Variants in UIMC1 observed in about 807,000 individuals in gnomAD.
UIMC1 encodes BRCA1-A complex subunit RAP80.
A neutral mutation model predicts 84.9 loss-of-function variants in UIMC1; 42 were observed. The observed-to-expected ratio is 0.49, with a 90% CI of 0.39 to 0.64. The LOEUF (loss-of-function observed/expected upper bound fraction) is 0.64, where lower values mean the gene tolerates loss of function less well. Ranked by LOEUF, UIMC1 falls within the 30% of genes least tolerant of loss-of-function variation. UIMC1 has a pLI of 0.00. For missense variants in UIMC1, 825 were observed against 847.6 expected (o/e 0.97, Z 0.33); for synonymous variants, 281 against 293.0 (o/e 0.96, Z 0.42).
At chr5:176,949,119 A>T (rs1017312432) in intron 9 of UIMC1, among the ~76,000 whole-genome samples, 148 of 151,712 alleles carry the variant, frequency 9.8e-4, no homozygotes, top group Non-Finnish European at 4.9e-4. Context: ...TTATTTTTTT[A>T]AATTTTATTA....
At chr5:176,910,919 G>A (rs1417747137) in intron 11 of UIMC1, among the ~76,000 whole-genome samples, 3 of 151,920 alleles carry the variant, frequency 2.0e-5, no homozygotes, top group Non-Finnish European at 4.4e-5. Context: ...GAGAAACCCC[G>A]CCTCTACTAA....
intron 1 of UIMC1, chr5:177,001,359 T>A (rs1774418223): frequency 6.6e-6 from 1 of 152,062 alleles, no homozygotes; most frequent in Non-Finnish European, 1.5e-5. Flanking sequence ...TTTTATGGGG[T>A]TTTGTTTTTT....
At chr5:176,963,538 AAGTGAAAATGAATAGATAAATC>A (rs1217791230) in intron 6 of UIMC1, among the ~76,000 whole-genome samples, 32 of 151,934 alleles carry the variant, frequency 2.1e-4, no homozygotes, top group Non-Finnish European at 4.0e-4. Context: ...AAAAAAAAAA[AAGTGAAAATGAATAGATAAATC>A]ATCTGGTCAT....
chr5:177,002,897 T>C (rs353496), intron 1 of UIMC1, among the ~76,000 whole-genome samples: 64,556 of 151,810 alleles, frequency 0.43, 13,952 homozygotes, highest in East Asian at 0.48. Context: ...TTCAGAAAAG[T>C]AACTTGCCCA....
rs1041654762 is a variant in UIMC1, at chr5:176,937,167, G to A, written c.1597+6168C>T. ...TGCATTTGTTCTAGTCTAGATCAAC[G>A]TAGTCAATCTTCTCCCCTCAAACAT... On this transcript the variant is annotated intron_variant, in intron 10 of 14. Coordinates refer to ENST00000511320, the MANE Select transcript of UIMC1 (RefSeq NM_001199298.2). Among the ~76,000 whole-genome samples the A allele has an allele frequency of 3.9e-4, 59 of 152,166 alleles. 2 individuals are homozygous for A. The highest frequency in any genetic ancestry group is 2.1e-4 in the South Asian group (1 of 4,830).
chr5:176,988,130 CAAAAAAAAAA>C (rs35059681), intron 1 of UIMC1, among the ~76,000 whole-genome samples: 2 of 90,212 alleles, frequency 2.2e-5, no homozygotes, highest in Admixed American at 1.4e-4. Context: ...CGCCCCTGTC[CAAAAAAAAAA>C]AAAAAAAAAA....
chr5:177,013,170 G>A (rs1014942226), intron 1 of UIMC1, among the ~76,000 whole-genome samples: 11 of 151,294 alleles, frequency 7.3e-5, no homozygotes, highest in African/African-American at 2.4e-4. Context: ...TCAGGAGTTC[G>A]AGACCAGCCT....
chr5:176,958,727 A>G (rs944252132), intron 6 of UIMC1, among the ~76,000 whole-genome samples: 2 of 152,260 alleles, frequency 1.3e-5, no homozygotes, highest in African/African-American at 4.8e-5. Flanking sequence ...TATGGTTTTT[A>G]TATCTGGCTA....
At chr5:176,916,846 C>T (rs1038529927) in intron 10 of UIMC1, among the ~76,000 whole-genome samples, 2 of 152,072 alleles carry the variant, frequency 1.3e-5, no homozygotes, top group African/African-American at 4.8e-5. Context: ...AAATAAATAG[C>T]CTAGGCATTA....
intron 1 of UIMC1, among the ~76,000 whole-genome samples, chr5:176,996,993 T>C (rs1353105404): frequency 6.6e-6 from 1 of 152,114 alleles, no homozygotes; most frequent in Non-Finnish European, 1.5e-5. Flanking sequence ...CCAAGCTTCC[T>C]ACATAACCCT....
rs148143244 is a variant in UIMC1, at chr5:176,911,191, A to C, written c.1676+120T>G. ...AAAAGAAAAGAAAATTCAGGCATCC[A>C]AGCAATGAAGCAATTGGCAGGCCAA... On this transcript the variant is annotated intron_variant, in intron 11 of 14. Coordinates refer to ENST00000511320, the MANE Select transcript of UIMC1 (RefSeq NM_001199298.2). The C allele has an allele frequency of 9.8e-3, 6,358 of 647,760 alleles. 99 individuals are homozygous for C. The highest frequency in any genetic ancestry group is 0.024 in the Middle Eastern group (85 of 3,584). The allele number at this position is 647,760 out of a possible 1,614,324, so 40.1% of individuals were successfully genotyped here. A position where few individuals can be genotyped will look rare whatever the true frequency, so the allele number is the denominator to read the frequency against.
Position 176,943,490 on chromosome 5 carries a change from T to C in UIMC1, c.1444-2A>G. The C allele has an allele frequency of 6.2e-7, 1 of 1,613,700 alleles. No homozygotes were observed. The highest frequency in any genetic ancestry group is 8.5e-7 in the Non-Finnish European group (1 of 1,179,780). On this transcript the variant is annotated splice_acceptor_variant, in intron 9 of 14. Coordinates refer to ENST00000511320, the MANE Select transcript of UIMC1 (RefSeq NM_001199298.2). LOFTEE classifies it high-confidence loss of function. Reference sequence around the variant, plus strand: ...CTCAGCATCTTCCTTGTTACCAACCTGAAGAACATGACAAACAGCAATCAT... The same window carrying C: ...CTCAGCATCTTCCTTGTTACCAACCCGAAGAACATGACAAACAGCAATCAT...
At chr5:176,969,401 T>C in intron 5 of UIMC1, 110 bp from the exon 6 acceptor site, 2 of 1,463,010 alleles carry the variant, frequency 1.4e-6, no homozygotes, top group South Asian at 1.4e-5. Flanking sequence ...AAGGCTCTTC[T>C]TTGGGTTTAA....
chr5:176,976,067 AG>A (rs1443887518), intron 2 of UIMC1, among the ~76,000 whole-genome samples: 1 of 152,106 alleles, frequency 6.6e-6, no homozygotes, highest in Admixed American at 6.6e-5. Context: ...GGGAGGCTGA[AG>A]TGGGAGAATC....
rs142078042 is a variant in UIMC1 at position 177,018,734 on chromosome 5, G to A, written c.-9+3730C>T. ...AAATAGAAAACTGGTGACAATGAAG[G>A]CTGTTCAGACCCTCAGCAGGGTAGC... is the stretch of plus-strand genomic sequence containing the variant. On this transcript the variant is annotated intron_variant, in intron 1 of 5. Coordinates refer to the UIMC1 transcript ENST00000509236. Among the ~76,000 whole-genome samples the A allele has an allele frequency of 9.1e-3, 1,385 of 152,272 alleles. 9 individuals are homozygous for A. Among genetic ancestry groups the A allele is most frequent in the South Asian group, 0.025 (121 of 4,830 alleles).
chr5:176,982,471 C>G lies in UIMC1; in HGVS notation c.145G>C (p.Glu49Gln), dbSNP rs1349904311. The change falls in exon 2 of 15, where the codon GAG (glutamate) becomes CAG (glutamine). Residue 49 changes from glutamate to glutamine, a missense_variant and splice_region_variant. By Grantham distance (29) the Glu-to-Gln change is conservative. Coordinates refer to ENST00000511320, the MANE Select transcript of UIMC1 (RefSeq NM_001199298.2). ...AFIVISDSDG[E>Q]EPKEENGLQK... ...CTTTTCAGCTCTACTTCACTAACCT[C>G]TCCATCACTATCGGATATCACAATG... is the stretch of plus-strand genomic sequence containing the variant. 6.2e-7 allele frequency: 1 copy of G among 1,613,014 alleles called. No homozygotes were observed. The highest frequency in any genetic ancestry group is 8.5e-7 in the Non-Finnish European group (1 of 1,179,774).
In UIMC1 at chr5:176,931,212, T is replaced by C. The variant is rs547440563; in HGVS notation, c.1597+12123A>G. On this transcript the variant is annotated intron_variant, in intron 10 of 14. Coordinates refer to ENST00000511320, the MANE Select transcript of UIMC1 (RefSeq NM_001199298.2). Reference sequence around the variant, plus strand: ...GATTGTGGCTCTAAGATAGTTCCAATGGAGATCACTGATCTAGTATTAATT... The same window carrying C: ...GATTGTGGCTCTAAGATAGTTCCAACGGAGATCACTGATCTAGTATTAATT... Among the ~76,000 whole-genome samples the C allele has an allele frequency of 1.5e-4, 23 of 152,342 alleles. 1 individual carries two copies. The South Asian group carries it at 4.8e-3, about 32-fold the overall frequency.
intron 1 of UIMC1, among the ~76,000 whole-genome samples, chr5:176,999,178 A>G (rs879730147): frequency 2.0e-5 from 3 of 152,172 alleles, no homozygotes; most frequent in Non-Finnish European, 4.4e-5. Flanking sequence ...CTCAGAAAAA[A>G]TAATAATAAT....
At chr5:176,925,100 C>A (rs1762230598) in intron 10 of UIMC1, among the ~76,000 whole-genome samples, 1 of 150,266 alleles carries the variant, frequency 6.7e-6, no homozygotes, top group South Asian at 2.1e-4. Flanking sequence ...ATTTGTAGAA[C>A]ACACATTTGA....
Sources: allele counts gnomAD v4.1 joint callset (sites outside exome capture counted in the v4.1 genomes callset), GRCh38; gene constraint gnomAD v4.1.1; transcripts MANE v1.5; gene names NCBI Gene and HGNC (gene_info 2026-07-23, HGNC 2026-07-21).